Variants in XKR3 observed in about 807,000 individuals in gnomAD.
XKR3 encodes XK-related protein 3.
A neutral mutation model predicts 40.3 loss-of-function variants in XKR3; 27 were observed. The ratio of observed to expected loss-of-function variants is 0.67; its 90% confidence interval spans 0.49 to 0.92. The LOEUF (loss-of-function observed/expected upper bound fraction) is 0.92, where lower values mean the gene tolerates loss of function less well. Ranked by LOEUF, XKR3 falls within the 40% of genes least tolerant of loss-of-function variation. The probability of loss-of-function intolerance (pLI) is 0.00; values close to 1 mark genes in which losing one functional copy is unlikely to be tolerated. For missense variants in XKR3, 472 were observed against 537.6 expected, an observed-to-expected ratio of 0.88 and a Z score of 1.21; for synonymous variants, 193 against 195.4, an observed-to-expected ratio of 0.99 and a Z score of 0.10.
chr22:16,821,603 T>C (rs2060256229), intron 1 of XKR3: 1 of 152,070 alleles, frequency 6.6e-6, no homozygotes, highest in Non-Finnish European at 1.5e-5. Flanking sequence ...GAATTTTTTT[T>C]TACCTTATTT....
chr22:16,813,899 T>C (rs1457487065), intron 1 of XKR3, among the ~76,000 whole-genome samples: 1 of 152,230 alleles, frequency 6.6e-6, no homozygotes, highest in Non-Finnish European at 1.5e-5. Context: ...AGATTCATTG[T>C]ATCTCATTGT....
intron 1 of XKR3, 39 bp from the exon 2 acceptor site, chr22:16,808,122 A>G: frequency 7.0e-7 from 1 of 1,433,510 alleles, no homozygotes; most frequent in African/African-American, 1.4e-5. Context: ...AATCCAGTAG[A>G]GTTCAGTATT....
At chr22:16,800,267 T>C (rs1244471177) in intron 2 of XKR3, among the ~76,000 whole-genome samples, 1 of 152,202 alleles carries the variant, frequency 6.6e-6, no homozygotes, top group Non-Finnish European at 1.5e-5. Context: ...TAAACAAAAA[T>C]TCAAACAGCA....
intron 3 of XKR3, among the ~76,000 whole-genome samples, chr22:16,792,282 G>T (rs1383709171): frequency 6.6e-6 from 1 of 152,114 alleles, no homozygotes; most frequent in Non-Finnish European, 1.5e-5. Context: ...ATAAATAGGT[G>T]TCCGTCTACA....
intron 1 of XKR3, among the ~76,000 whole-genome samples, chr22:16,812,876 G>A (rs2060218199): frequency 2.0e-5 from 3 of 152,042 alleles, no homozygotes; most frequent in South Asian, 4.2e-4. Context: ...CTGTGGATTT[G>A]CCTATTACAG....
At chr22:16,799,739 T>A in intron 3 of XKR3, 32 bp downstream of exon 3, 1 of 1,610,270 alleles carries the variant, frequency 6.2e-7, no homozygotes, top group Middle Eastern at 1.7e-4. Flanking sequence ...TTGACCTTTG[T>A]GTGTCTTTCA....
chr22:16,800,474 T>C (rs1272085270), intron 2 of XKR3, among the ~76,000 whole-genome samples: 1 of 152,210 alleles, frequency 6.6e-6, no homozygotes, highest in African/African-American at 2.4e-5. Flanking sequence ...ATGATACAAA[T>C]GTCAACTGCC....
chr22:16,796,079 A>G (rs2060139312), intron 3 of XKR3, among the ~76,000 whole-genome samples: 1 of 152,236 alleles, frequency 6.6e-6, no homozygotes, highest in Non-Finnish European at 1.5e-5. Context: ...GAACAACTCT[A>G]TGAACACAAA....
chr22:16,811,013 G>A (rs1263544939), intron 1 of XKR3, among the ~76,000 whole-genome samples: 1 of 151,780 alleles, frequency 6.6e-6, no homozygotes, highest in Non-Finnish European at 1.5e-5. Flanking sequence ...CAAAATGTAA[G>A]TTCTATCAGT....
intron 3 of XKR3, among the ~76,000 whole-genome samples, chr22:16,787,630 C>T (rs1376936253): frequency 6.8e-6 from 1 of 148,140 alleles, no homozygotes; most frequent in Non-Finnish European, 1.5e-5. Flanking sequence ...GAAATAACAA[C>T]AAAAAATTTT....
intron 3 of XKR3, among the ~76,000 whole-genome samples, chr22:16,799,531 T>A (rs1301852622): frequency 2.6e-5 from 4 of 151,844 alleles, no homozygotes; most frequent in Non-Finnish European, 5.9e-5. Context: ...CAAGCTTAAT[T>A]TAACTCTTCA....
intron 3 of XKR3, among the ~76,000 whole-genome samples, chr22:16,797,486 ACT>A (rs1292235329): frequency 6.6e-6 from 1 of 151,970 alleles, no homozygotes; most frequent in East Asian, 1.9e-4. Context: ...AAAACAAATA[ACT>A]CTGTTAAAAA....
chr22:16,797,859 T>C (rs1331389173), intron 3 of XKR3, among the ~76,000 whole-genome samples: 1 of 148,470 alleles, frequency 6.7e-6, no homozygotes, highest in Non-Finnish European at 1.5e-5. Flanking sequence ...CATACAAGTG[T>C]CCAACAAGCA....
chr22:16,802,239 C>T (rs1198912245), intron 2 of XKR3, among the ~76,000 whole-genome samples: 1 of 152,154 alleles, frequency 6.6e-6, no homozygotes, highest in Non-Finnish European at 1.5e-5. Context: ...CATTTATTAT[C>T]TCTATCTTCT....
At chr22:16,806,880 A>G (rs1447308212) in intron 2 of XKR3, among the ~76,000 whole-genome samples, 2 of 152,234 alleles carry the variant, frequency 1.3e-5, no homozygotes, top group Non-Finnish European at 2.9e-5. Flanking sequence ...TAAAGAAAAC[A>G]CACCAAAAAA....
chr22:16,823,460 C>T (rs967021093), intron 1 of XKR3, among the ~76,000 whole-genome samples: 1 of 152,136 alleles, frequency 6.6e-6, no homozygotes, highest in Non-Finnish European at 1.5e-5. Context: ...AAGAGATTGC[C>T]TTGGTCAATT....
chr22:16,787,977 T>C (rs1400366201), intron 3 of XKR3, among the ~76,000 whole-genome samples: 1 of 152,160 alleles, frequency 6.6e-6, no homozygotes, highest in African/African-American at 2.4e-5. Flanking sequence ...AAATGCACTG[T>C]AGGGCAAATG....
At chr22:16,786,414 C>T (rs1167890020) in intron 3 of XKR3, among the ~76,000 whole-genome samples, 2 of 152,138 alleles carry the variant, frequency 1.3e-5, no homozygotes, top group Non-Finnish European at 2.9e-5. Context: ...GCCTTCACCC[C>T]AGCACTTTGG....
chr22:16,814,936 T>C (rs2060227118), intron 1 of XKR3, among the ~76,000 whole-genome samples: 2 of 151,992 alleles, frequency 1.3e-5, no homozygotes. Context: ...AGATGGCTTT[T>C]TTTTTTTAAT....
Sources: allele counts gnomAD v4.1 joint callset (sites outside exome capture counted in the v4.1 genomes callset), GRCh38; gene constraint gnomAD v4.1.1; transcripts MANE v1.5; gene names NCBI Gene and HGNC (gene_info 2026-07-23, HGNC 2026-07-21).